CFD: variants seen among roughly 807,000 people sequenced by gnomAD.
CFD encodes C3 convertase activator.
A neutral mutation model predicts 21.1 loss-of-function variants in CFD; 24 were observed. The ratio of observed to expected loss-of-function variants is 1.14; its 90% CI spans 0.82 to 1.60. The LOEUF (loss-of-function observed/expected upper bound fraction) is 1.60, where lower values mean the gene tolerates loss of function less well. Among genes scored for constraint, CFD ranks in the 40% most tolerant of loss-of-function variants. The pLI is 0.00. For missense variants in CFD, 535 were observed against 383.3 expected (o/e 1.40, Z -3.31); for synonymous variants, 242 against 175.9 (o/e 1.38, Z -2.97).
At chr19:861,070 C>T in intron 3 of CFD, 65 bp downstream of exon 3, 1 of 1,519,896 alleles carries the variant, frequency 6.6e-7, no homozygotes, top group South Asian at 1.2e-5. Flanking sequence ...TCACTCCACC[C>T]CGCCTACACC....
In CFD at chr19:861,848, GCTCTTGCCAGTGCTGGAC is replaced by G; in HGVS notation, c.509_526del (p.Leu170_Asp175del). ...GCCGCCCGGACAGCCTGCAGCACGT[GCTCTTGCCAGTGCTGGAC>G]CGCGCCACCTGCAACCGGCGCACGC... On this transcript the variant is annotated inframe_deletion, in exon 4 of 5. Transcript: ENST00000327726. The G allele has an allele frequency of 6.3e-7, 1 of 1,599,224 alleles. No individual in the cohort carries two copies. Among genetic ancestry groups the G allele is most frequent in the Non-Finnish European group, 8.5e-7 (1 of 1,178,252 alleles).
At position 860,917 on chromosome 19, in the gene CFD, C is replaced by A; in HGVS notation, c.269C>A (p.Pro90His). Residue 90 changes from proline (P) to histidine (H), a missense_variant, in exon 3 of 5, where the codon CCC becomes CAC. Transcript: ENST00000327726. ...GCGCACTCCCTGTCGCAGCCGGAGC[C>A]CTCCAAGCGCCTGTACGACGTGCTC... ...LGAHSLSQPE[P>H]SKRLYDVLRA... 1 of 1,598,174 alleles carries A rather than the reference C, an allele frequency of 6.3e-7. No homozygotes were observed. The highest frequency in any genetic ancestry group is 8.5e-7 in the Non-Finnish European group (1 of 1,177,712).
chr19:861,669 C>T, intron 3 of CFD, 30 bp from the exon 4 acceptor site: 3 of 1,581,238 alleles, frequency 1.9e-6, no homozygotes, highest in Non-Finnish European at 1.7e-6. Context: ...ACCCCCGCAC[C>T]CCAACCCTGA....
At chr19:863,068 C>A (rs1232423481) in intron 4 of CFD, 24 bp from the exon 5 acceptor site, 5 of 1,498,614 alleles carry the variant, frequency 3.3e-6, no homozygotes, top group Non-Finnish European at 4.5e-6. Flanking sequence ...GGCCGCCCCT[C>A]ACGGCCCCGT....
chr19:860,927 C>G lies in CFD; in HGVS notation c.279C>G (p.Arg93=). The change falls in exon 3 of 5, where the codon CGC becomes CGG. Residue 93 remains arginine (R), a synonymous_variant. Coordinates refer to ENST00000327726, the MANE Select transcript of CFD (RefSeq NM_001928.4). Reference sequence around the variant, plus strand: ...TGTCGCAGCCGGAGCCCTCCAAGCGCCTGTACGACGTGCTCCGCGCAGTGC... The same window carrying G: ...TGTCGCAGCCGGAGCCCTCCAAGCGGCTGTACGACGTGCTCCGCGCAGTGC... ...HSLSQPEPSK[R]LYDVLRAVPH... 2 of 1,600,802 alleles carry G rather than the reference C, an allele frequency of 1.2e-6. No homozygotes were observed. Among genetic ancestry groups the G allele is most frequent in the Non-Finnish European group, 1.7e-6 (2 of 1,178,884 alleles).
intron 3 of CFD, 97 bp downstream of exon 3, chr19:861,102 C>A (rs1626564): frequency 0.54 from 637,801 of 1,187,494 alleles, 176,646 homozygotes; most frequent in Non-Finnish European, 0.55. Context: ...CCAGCCTCGA[C>A]CTCTCCTGCT....
At position 861,656 on chromosome 19, in the gene CFD, C is replaced by T. The variant is rs1683562; in HGVS notation, c.358-43C>T. On this transcript the variant is annotated intron_variant, in intron 3 of 4. Coordinates refer to ENST00000327726, the MANE Select transcript of CFD (RefSeq NM_001928.4). ...AGCCTAGCGGCATTCTCCCCAGCCT[C>T]GCACCCCCGCACCCCAACCCTGACG... 9.2e-4 allele frequency: 1,439 copies of T among 1,560,996 alleles called. 12 individuals are homozygous for T. In the African/African-American group the frequency reaches 0.017, roughly 18 times the overall value.
At chr19:860,322 C>G (rs2145159017) in intron 1 of CFD, among the ~76,000 whole-genome samples, 1 of 152,026 alleles carries the variant, frequency 6.6e-6, no homozygotes, top group South Asian at 2.1e-4. Flanking sequence ...TTCCGAATAG[C>G]TGAGATTATA....
rs370047005 is a variant in CFD, at chr19:863,284, G to C, written c.*46G>C. The stretch of plus-strand genomic sequence containing the variant: ...AGGGTCACCCAAGCAACAAAGTCCC[G>C]AGCAATGAAGTCATCCACTCCTGCA... On this transcript the variant is annotated 3_prime_UTR_variant, in exon 5 of 5. Coordinates refer to ENST00000327726, the MANE Select transcript of CFD (RefSeq NM_001928.4). 6.5e-7 allele frequency: 1 copy of C among 1,541,076 alleles called. No individual in the cohort carries two copies. The highest frequency in any genetic ancestry group is 8.7e-7 in the Non-Finnish European group (1 of 1,149,196).
rs150557105 is a variant in CFD, at chr19:861,947, C to T, written c.606C>T (p.Asp202=). The T allele has an allele frequency of 7.7e-6, 12 of 1,548,870 alleles. No homozygotes were observed. The highest frequency in any genetic ancestry group is 2.4e-5 in the East Asian group (1 of 41,972). The change falls in exon 4 of 5, where the codon GAC becomes GAT. Residue 202 remains aspartate, a synonymous_variant. Coordinates refer to ENST00000327726, the MANE Select transcript of CFD (RefSeq NM_001928.4). ...TGTGCGCGGAGAGCAATCGCCGGGA[C>T]AGCTGCAAGGTGAGCCTTCAGGCCT... ...RLMCAESNRR[D]SCKGDSGGPL... is the part of the protein sequence containing the mutation.
rs546097516 is a variant in CFD at position 859,909 on chromosome 19, TG to T, written c.55+167del. 1.3e-4 allele frequency: 78 copies of T among 608,474 alleles called. 1 individual carries two copies. The South Asian group carries it at 1.4e-3, about 11-fold the overall frequency. 37.7% of individuals were successfully genotyped at this position (608,474 alleles called of 1,614,324 possible). A position where few individuals can be genotyped will look rare whatever the true frequency, so the allele number is the denominator to read the frequency against. ...CTGAAAAATTCTAGAAAATTCAGATTGGAAATCGGAACTTTCTGGAGTCAGC... is the reference window on the plus strand; with the variant it reads ...CTGAAAAATTCTAGAAAATTCAGATTGAAATCGGAACTTTCTGGAGTCAGC... On this transcript the variant is annotated intron_variant, in intron 1 of 4. Transcript: ENST00000327726.
At position 860,869 on chromosome 19, in the gene CFD, G is replaced by C; in HGVS notation, c.221G>C (p.Gly74Ala). ...AAHCLEDAAD[G>A]KVQVLLGAHS... Reference sequence around the variant, plus strand: ...CTCCGTCCGGTCCCCAGGGCCGACGGGAAGGTGCAGGTTCTCCTGGGCGCG... The same window carrying C: ...CTCCGTCCGGTCCCCAGGGCCGACGCGAAGGTGCAGGTTCTCCTGGGCGCG... The change falls in exon 3 of 5, where the codon GGG becomes GCG. Residue 74 changes from glycine (G) to alanine (A), a missense_variant. By Grantham distance (60) the Gly-to-Ala change is moderately conservative. Coordinates refer to ENST00000327726, the MANE Select transcript of CFD (RefSeq NM_001928.4). The C allele has an allele frequency of 6.3e-7, 1 of 1,575,444 alleles. No homozygotes were observed. The highest frequency in any genetic ancestry group is 8.6e-7 in the Non-Finnish European group (1 of 1,166,808).
chr19:862,959 A>T, intron 4 of CFD, 133 bp from the exon 5 acceptor site: 1 of 888,124 alleles, frequency 1.1e-6, no homozygotes, highest in Non-Finnish European at 1.7e-6. Context: ...GCTATTGACT[A>T]GTGAAGACCA....
intron 4 of CFD, 149 bp from the exon 5 acceptor site, chr19:862,943 C>A (rs1365574016): frequency 1.3e-6 from 1 of 773,840 alleles, no homozygotes; most frequent in Non-Finnish European, 2.0e-6. Flanking sequence ...ATAGGCGTGG[C>A]GCGGGGCTAT....
At position 862,991 on chromosome 19, in the gene CFD, C is replaced by T. The variant is rs536048362; in HGVS notation, c.616-101C>T. 859 of 1,175,004 alleles carry T rather than the reference C, an allele frequency of 7.3e-4. 7 individuals are homozygous for T. In the African/African-American group the frequency reaches 0.012, roughly 16 times the overall value. The allele number at this position is 1,175,004 out of a possible 1,614,324, so 72.8% of individuals were successfully genotyped here. A position where few individuals can be genotyped will look rare whatever the true frequency, so the allele number is the denominator to read the frequency against. ...ACCAAATTAACACGGGAGGGATGAG[C>T]GAGCATTGTGGGGCGGGAGCGGCAG... On this transcript the variant is annotated intron_variant, in intron 4 of 4. Coordinates refer to ENST00000327726, the MANE Select transcript of CFD (RefSeq NM_001928.4).
chr19:861,979 A>G (rs1427390525), intron 4 of CFD, 23 bp downstream of exon 4: 7 of 1,532,806 alleles, frequency 4.6e-6, no homozygotes, highest in Non-Finnish European at 6.1e-6. Context: ...GCCTGGGAGG[A>G]GACGCGGGGC....
Position 860,848 on chromosome 19 carries a change from G to A in CFD, c.213-13G>A. On this transcript the variant is annotated splice_polypyrimidine_tract_variant and intron_variant, in intron 2 of 4. Transcript: ENST00000327726. ...TCGGCTGGCACCGACCGCGGACTCCGTCCGGTCCCCAGGGCCGACGGGAAG... is the reference window on the plus strand; with the variant it reads ...TCGGCTGGCACCGACCGCGGACTCCATCCGGTCCCCAGGGCCGACGGGAAG... The A allele has an allele frequency of 6.4e-7, 1 of 1,563,424 alleles. No individual in the cohort carries two copies. The highest frequency in any genetic ancestry group is 8.6e-7 in the Non-Finnish European group (1 of 1,161,120).
Position 863,380 on chromosome 19 carries a change from C to T in CFD, c.*142C>T. On this transcript the variant is annotated 3_prime_UTR_variant, in exon 5 of 5. Transcript: ENST00000327726. ...CCGAGGTGGGAGGATCATTGGATCTCAGGAGTTCGAGATCAGCATGGGCCA... is the reference window on the plus strand; with the variant it reads ...CCGAGGTGGGAGGATCATTGGATCTTAGGAGTTCGAGATCAGCATGGGCCA... 9.8e-7 allele frequency: 1 copy of T among 1,021,632 alleles called. No individual in the cohort carries two copies. The highest frequency in any genetic ancestry group is 1.4e-5 in the South Asian group (1 of 72,080). The allele number at this position is 1,021,632 out of a possible 1,614,324, so 63.3% of individuals were successfully genotyped here. A position where few individuals can be genotyped will look rare whatever the true frequency, so the allele number is the denominator to read the frequency against.
At position 861,862 on chromosome 19, in the gene CFD, T is replaced by C; in HGVS notation, c.521T>C (p.Leu174Pro). The change falls in exon 4 of 5, where the codon CTG (leucine) becomes CCG (proline). Residue 174 changes from leucine (L) to proline (P), a missense_variant. Physicochemically the swap from Leu to Pro is moderately conservative, Grantham distance 98 (BLOSUM62 -3). Coordinates refer to ENST00000327726, the MANE Select transcript of CFD (RefSeq NM_001928.4). ...DSLQHVLLPV[L>P]DRATCNRRTH... ...CTGCAGCACGTGCTCTTGCCAGTGC[T>C]GGACCGCGCCACCTGCAACCGGCGC... 1.3e-6 allele frequency: 2 copies of C among 1,596,514 alleles called. No homozygotes were observed. The highest frequency in any genetic ancestry group is 1.7e-6 in the Non-Finnish European group (2 of 1,177,254).
Sources: gnomAD v4.1 joint callset for allele counts (sites outside exome capture counted in the v4.1 genomes callset) on GRCh38, gnomAD v4.1.1 for gene constraint, MANE v1.5 for transcripts, NCBI Gene and HGNC (gene_info 2026-07-23, HGNC 2026-07-21) for gene names.